SLC6A7: variants seen among roughly 807,000 people sequenced by gnomAD.
SLC6A7 encodes sodium-dependent proline transporter.
SLC6A7 carries 58 observed loss-of-function variants against 73.1 expected under a neutral mutation model. The ratio of observed to expected loss-of-function variants is 0.79; its 90% CI spans 0.64 to 0.99. The LOEUF is 0.99. SLC6A7 is among the 50% of genes least tolerant of loss of function. The pLI, the probability that SLC6A7 is intolerant of heterozygous loss-of-function variation, is 0.00. For synonymous variants in SLC6A7, 338 were observed against 338.7 expected, an observed-to-expected ratio of 1.00 and a Z score of 0.02; for missense variants, 783 against 831.4, an observed-to-expected ratio of 0.94 and a Z score of 0.72.
In SLC6A7 at chr5:150,209,391, G is replaced by T. The variant is rs184940198; in HGVS notation, c.1702-15G>T. 3 of 1,610,846 alleles carry T rather than the reference G, an allele frequency of 1.9e-6. No individual in the cohort carries two copies. Among genetic ancestry groups the T allele is most frequent in the African/African-American group, 1.3e-5 (1 of 74,870 alleles). On this transcript the variant is annotated splice_polypyrimidine_tract_variant and intron_variant, in intron 13 of 13. Transcript: ENST00000230671. ...CCTGTTTCCTGTTTTCACTGCTCTC[G>T]TTGCTTTGCTGCAGCGGCTCCAACA...
chr5:150,196,817 G>A lies in SLC6A7; in HGVS notation c.319G>A (p.Ala107Thr). Residue 107 changes from alanine (A) to threonine (T), a missense_variant, in exon 3 of 14, where the codon GCT becomes ACT. Transcript: ENST00000230671. ...CCAGTTCTCCAGCCTAGGGCCCCTG[G>A]CTGTCTGGAAAATCAGCCCTCTCTT... ...LGQFSSLGPL[A>T]VWKISPLFKG... 3.7e-6 allele frequency: 6 copies of A among 1,614,082 alleles called. No individual in the cohort carries two copies. Among genetic ancestry groups the A allele is most frequent in the African/African-American group, 1.3e-5 (1 of 75,058 alleles).
intron 1 of SLC6A7, among the ~76,000 whole-genome samples, chr5:150,192,087 T>A (rs917234025): frequency 6.6e-6 from 1 of 151,700 alleles, no homozygotes; most frequent in Admixed American, 6.6e-5. Context: ...TTCCCTTTTC[T>A]CAAGCAGAAT....
intron 1 of SLC6A7, among the ~76,000 whole-genome samples, chr5:150,193,843 G>C (rs1045558078): frequency 6.6e-6 from 1 of 152,208 alleles, no homozygotes; most frequent in African/African-American, 2.4e-5. Context: ...ACTGGTGGGT[G>C]AAGGAGACCT....
At chr5:150,193,609 T>C (rs1216874480) in intron 1 of SLC6A7, among the ~76,000 whole-genome samples, 2 of 152,072 alleles carry the variant, frequency 1.3e-5, no homozygotes, top group African/African-American at 4.8e-5. Context: ...TAGGCCCCAT[T>C]TGAGCCACGG....
chr5:150,198,121 G>GAAAAGAA lies in SLC6A7; in HGVS notation c.584+848_584+849insAGAAAAA, dbSNP rs1326770305. 3.6e-5 allele frequency among the ~76,000 whole-genome samples: 4 copies of GAAAAGAA among 111,940 alleles called. No individual in the cohort carries two copies. The East Asian group carries it at 7.7e-4, about 21-fold the overall frequency. The allele number at this position is 111,940 out of a possible 152,430, so 73.4% of individuals were successfully genotyped here. Reference sequence around the variant, plus strand: ...AAAGAAAGAAAGAAAGAAAGAGAAAGAAAGAAAGAAAGAAAGAAAGCAAAG... The same window carrying GAAAAGAA: ...AAAGAAAGAAAGAAAGAAAGAGAAAGAAAAGAAAAAGAAAGAAAGAAAGAAAGCAAAG... On this transcript the variant is annotated intron_variant, in intron 4 of 13. Transcript: ENST00000230671.
chr5:150,195,475 C>A (rs1362350044), intron 2 of SLC6A7, among the ~76,000 whole-genome samples: 1 of 152,226 alleles, frequency 6.6e-6, no homozygotes, highest in Non-Finnish European at 1.5e-5. Flanking sequence ...GAGCGCCTAC[C>A]ACCTGTCAGG....
chr5:150,203,820 GGTGTGT>G lies in SLC6A7; in HGVS notation c.1201-48_1201-43del, dbSNP rs35380195. 2,226 of 801,806 alleles carry G rather than the reference GGTGTGT, an allele frequency of 2.8e-3. 3 individuals carry two copies. Among genetic ancestry groups the G allele is most frequent in the African/African-American group, 0.015 (734 of 49,898 alleles). The allele number at this position is 801,806 out of a possible 1,614,324, so 49.7% of individuals were successfully genotyped here. A position where few individuals can be genotyped will look rare whatever the true frequency, so the allele number is the denominator to read the frequency against. On this transcript the variant is annotated intron_variant, in intron 9 of 13. Transcript: ENST00000230671. ...GGCAGCAGGCACCCCGTGTGTGTGTGGTGTGTGTGTGTGTGTGTGTGTGTGTGTGTG... is the reference window on the plus strand; with the variant it reads ...GGCAGCAGGCACCCCGTGTGTGTGTGGTGTGTGTGTGTGTGTGTGTGTGTG...
chr5:150,190,351 C>T lies in SLC6A7; in HGVS notation c.24C>T (p.His8=), dbSNP rs1337660175. MKKLQGA[H]LRKPVTPDLL... is the part of the protein sequence containing the mutation. ...AGATGAAGAAGCTCCAGGGAGCTCA[C>T]CTCCGCAAGGTAGGGCACGAGGGCG... The change falls in exon 1 of 14, where the codon CAC becomes CAT. Residue 8 remains histidine, a synonymous_variant. Transcript: ENST00000230671. 2 of 1,505,562 alleles carry T rather than the reference C, an allele frequency of 1.3e-6. No homozygotes were observed. Among genetic ancestry groups the T allele is most frequent in the South Asian group, 1.3e-5 (1 of 79,520 alleles). 93.3% of individuals were successfully genotyped at this position (1,505,562 alleles called of 1,614,324 possible).
chr5:150,203,829 G>GTGTA, intron 9 of SLC6A7, 50 bp downstream of exon 9: 1 of 1,145,890 alleles, frequency 8.7e-7, no homozygotes, highest in South Asian at 1.3e-5. Flanking sequence ...TGGTGTGTGT[G>GTGTA]TGTGTGTGTG....
chr5:150,209,648 G>C lies in SLC6A7; in HGVS notation c.*33G>C. 6.6e-7 allele frequency: 1 copy of C among 1,510,178 alleles called. No homozygotes were observed. The highest frequency in any genetic ancestry group is 9.0e-7 in the Non-Finnish European group (1 of 1,105,798). The allele number at this position is 1,510,178 out of a possible 1,614,324, so 93.5% of individuals were successfully genotyped here. A position where few individuals can be genotyped will look rare whatever the true frequency, so the allele number is the denominator to read the frequency against. On this transcript the variant is annotated 3_prime_UTR_variant, in exon 14 of 14. Coordinates refer to ENST00000230671, the MANE Select transcript of SLC6A7 (RefSeq NM_014228.5). ...GGCAGGCGGGCAGAAGGCCCTGCCC[G>C]GGACCTCACAGTCCCTTCTTAGAAG...
chr5:150,191,659 T>C (rs1411349879), intron 1 of SLC6A7, among the ~76,000 whole-genome samples: 8 of 152,144 alleles, frequency 5.3e-5, no homozygotes, highest in Admixed American at 2.6e-4. Flanking sequence ...CTTGATCTTC[T>C]GACCTCGTGA....
At chr5:150,203,402 A>G (rs1350612429) in intron 8 of SLC6A7, among the ~76,000 whole-genome samples, 3 of 152,214 alleles carry the variant, frequency 2.0e-5, no homozygotes, top group African/African-American at 4.8e-5. Flanking sequence ...ATTTGTACCA[A>G]TAATTGTATA....
At chr5:150,193,972 G>A (rs147728373) in intron 1 of SLC6A7, among the ~76,000 whole-genome samples, 88 of 152,286 alleles carry the variant, frequency 5.8e-4, no homozygotes, top group Non-Finnish European at 9.8e-4. Flanking sequence ...TGACGAAAAT[G>A]GAGCTTAGAT....
chr5:150,199,231 C>T lies in SLC6A7; in HGVS notation c.588C>T (p.Arg196=). 1 of 1,599,986 alleles carries T rather than the reference C, an allele frequency of 6.3e-7. No individual in the cohort carries two copies. Among genetic ancestry groups the T allele is most frequent in the Non-Finnish European group, 8.5e-7 (1 of 1,171,272 alleles). Residue 196 remains arginine, a synonymous_variant, in exon 5 of 14, where the codon CGC becomes CGT. Coordinates refer to ENST00000230671, the MANE Select transcript of SLC6A7 (RefSeq NM_014228.5). ...CTGAGACCTTTGTCTCCCACAGCCG[C>T]TACGTCCTCCACATCCAAGGCAGCC... is the stretch of plus-strand genomic sequence containing the variant. ...TVSPSEEYWS[R]YVLHIQGSQG...
chr5:150,195,657 C>T lies in SLC6A7; in HGVS notation c.217+746C>T, dbSNP rs113640894. 9.8e-3 allele frequency among the ~76,000 whole-genome samples: 1,499 copies of T among 152,320 alleles called. 21 individuals are homozygous for T. Among genetic ancestry groups the T allele is most frequent in the African/African-American group, 0.033 (1,372 of 41,566 alleles). On this transcript the variant is annotated intron_variant, in intron 2 of 13. Coordinates refer to ENST00000230671, the MANE Select transcript of SLC6A7 (RefSeq NM_014228.5). Reference sequence around the variant, plus strand: ...AACCCAGGACTATCTCCTCCCTAGCCAGTGTGCTCTCACCAGTACTCGTAT... The same window carrying T: ...AACCCAGGACTATCTCCTCCCTAGCTAGTGTGCTCTCACCAGTACTCGTAT...
At position 150,200,546 on chromosome 5, in the gene SLC6A7, T is replaced by TG. The variant is rs570234262; in HGVS notation, c.724-543_724-542insG. ...ACCTTCAAGATGGCTTGCCCAATCATTGGTAAATCAGAACTTGTTTCCTCT... is the reference window on the plus strand; with the variant it reads ...ACCTTCAAGATGGCTTGCCCAATCATGTGGTAAATCAGAACTTGTTTCCTCT... On this transcript the variant is annotated intron_variant, in intron 5 of 13. Coordinates refer to ENST00000230671, the MANE Select transcript of SLC6A7 (RefSeq NM_014228.5). Among the ~76,000 whole-genome samples, 11 of 152,334 alleles carry TG rather than the reference T, an allele frequency of 7.2e-5. No individual in the cohort carries two copies. The East Asian group carries it at 2.1e-3, about 29-fold the overall frequency.
At position 150,209,681 on chromosome 5, in the gene SLC6A7, A is replaced by G; in HGVS notation, c.*66A>G. On this transcript the variant is annotated 3_prime_UTR_variant, in exon 14 of 14. Coordinates refer to ENST00000230671, the MANE Select transcript of SLC6A7 (RefSeq NM_014228.5). ...ACAGTCCCTTCTTAGAAGCCTGCAA[A>G]GGTCAGCTGTGCCCTCTGGGATTCT... The G allele has an allele frequency of 7.6e-7, 1 of 1,308,368 alleles. No individual in the cohort carries two copies. The highest frequency in any genetic ancestry group is 1.1e-6 in the Non-Finnish European group (1 of 929,062). The allele number at this position is 1,308,368 out of a possible 1,614,324, so 81.0% of individuals were successfully genotyped here.
chr5:150,201,402 T>C (rs1753376327), intron 6 of SLC6A7, among the ~76,000 whole-genome samples, 179 bp downstream of exon 6: 1 of 152,202 alleles, frequency 6.6e-6, no homozygotes, highest in Non-Finnish European at 1.5e-5. Flanking sequence ...TTTTATGTAT[T>C]TATCATGTAC....
intron 12 of SLC6A7, 74 bp from the exon 13 acceptor site, chr5:150,205,382 T>G: frequency 7.7e-7 from 1 of 1,290,376 alleles, no homozygotes. Flanking sequence ...GGGCTGGCAC[T>G]AGGCTGGGCT....
Sources: allele counts gnomAD v4.1 joint callset (sites outside exome capture counted in the v4.1 genomes callset), GRCh38; gene constraint gnomAD v4.1.1; transcripts MANE v1.5; gene names NCBI Gene and HGNC (gene_info 2026-07-23, HGNC 2026-07-21).